The following PPIG variants were observed in gnomAD, a reference collection of about 807,000 sequenced individuals.
PPIG encodes the protein peptidyl-prolyl cis-trans isomerase G.
PPIG carries 26 observed loss-of-function variants against 87.9 expected under a neutral mutation model. That is an observed-to-expected ratio of 0.30 (90% CI 0.22 to 0.41). PPIG has a LOEUF of 0.41. Among genes scored for constraint, PPIG ranks in the 10% least tolerant of loss-of-function variants. The pLI, the probability that PPIG is intolerant of heterozygous loss-of-function variation, is 1.00. For missense variants in PPIG, 722 were observed against 879.4 expected (o/e 0.82, Z 2.26); for synonymous variants, 308 against 276.5 (o/e 1.11, Z -1.13).
intron 1 of PPIG, among the ~76,000 whole-genome samples, chr2:169,600,642 A>G (rs939028111): frequency 1.3e-5 from 2 of 152,168 alleles, no homozygotes; most frequent in Non-Finnish European, 2.9e-5. Context: ...ACAGTGAGAC[A>G]CTTTAAAAAT....
At chr2:169,620,160 A>C (rs1224407977) in intron 9 of PPIG, among the ~76,000 whole-genome samples, 1 of 151,900 alleles carries the variant, frequency 6.6e-6, no homozygotes, top group Non-Finnish European at 1.5e-5. Flanking sequence ...CATTGCCCAA[A>C]CCAATGTCAT....
chr2:169,636,194 G>T lies in PPIG; in HGVS notation c.1120G>T (p.Val374Leu), dbSNP rs1444710338. Residue 374 changes from valine (V) to leucine (L), a missense_variant, in exon 13 of 14, where the codon GTA becomes TTA. Around this residue, in one of 4 missense-constraint regions of PPIG, gnomAD observed 476 missense variants for 483.1 expected, o/e 0.99. Transcript: ENST00000260970. ...GATGCAGAGAGCTCAAAGAATGAGG[G>T]TATCAAGTGGTGAAAGATGGATCAA... The part of the protein sequence containing the change: ...QEMQRAQRMR[V>L]SSGERWIKGD... The T allele has an allele frequency of 8.7e-6, 14 of 1,610,014 alleles. No homozygotes were observed. Among genetic ancestry groups the T allele is most frequent in the Non-Finnish European group, 1.2e-5 (14 of 1,178,940 alleles).
At chr2:169,628,737 C>T (rs1240592547) in intron 9 of PPIG, among the ~76,000 whole-genome samples, 1 of 151,724 alleles carries the variant, frequency 6.6e-6, no homozygotes, top group Non-Finnish European at 1.5e-5. Context: ...CCCAGGAGTT[C>T]GAGACTAGCC....
intron 5 of PPIG, 130 bp downstream of exon 5, chr2:169,606,276 G>T: frequency 1.4e-6 from 1 of 738,650 alleles, no homozygotes; most frequent in Non-Finnish European, 2.3e-6. Context: ...TCAATTAGAA[G>T]TACTCATAGA....
chr2:169,627,186 C>T (rs1025764035), intron 9 of PPIG, among the ~76,000 whole-genome samples: 5 of 152,154 alleles, frequency 3.3e-5, no homozygotes, highest in Middle Eastern at 3.2e-3. Flanking sequence ...GCAATCTCCA[C>T]CTTTGGGGTT....
At chr2:169,600,654 T>C (rs1457962850) in intron 1 of PPIG, among the ~76,000 whole-genome samples, 1 of 151,792 alleles carries the variant, frequency 6.6e-6, no homozygotes, top group Non-Finnish European at 1.5e-5. Flanking sequence ...TTTAAAAATG[T>C]CATTGAAAAA....
At position 169,630,929 on chromosome 2, in the gene PPIG, C is replaced by T. The variant is rs781088014; in HGVS notation, c.703C>T (p.Arg235Trp). 1.1e-5 allele frequency: 17 copies of T among 1,599,566 alleles called. No homozygotes were observed. The highest frequency in any genetic ancestry group is 1.4e-5 in the African/African-American group (1 of 73,670). The change falls in exon 10 of 14, where the codon CGG becomes TGG. Residue 235 changes from arginine (R) to tryptophan (W), a missense_variant. Physicochemically the swap from Arg to Trp is moderately radical, Grantham distance 101. This residue lies in a region of PPIG where 142 missense variants were observed against 152.8 expected (regional missense o/e 0.93). Coordinates refer to ENST00000260970, the MANE Select transcript of PPIG (RefSeq NM_004792.3). ...EKSKKRKKKH[R>W]KNSRKHKKEK... ...ATCAAAGAAAAGAAAAAAGAAACAT[C>T]GGAAAAATTCCCGAAAACACAAGAA...
In PPIG at chr2:169,585,928, T is replaced by G. The variant is rs1684690732; in HGVS notation, c.-70+1438T>G. 1.3e-5 allele frequency among the ~76,000 whole-genome samples: 2 copies of G among 152,068 alleles called. 1 individual carries two copies. The highest frequency in any genetic ancestry group is 3.9e-4 in the East Asian group (2 of 5,182). On this transcript the variant is annotated intron_variant, in intron 1 of 13. Transcript: ENST00000260970. ...ACAGGATGGCCGGTAATTGCTACTT[T>G]GTAACAATGACGGGTGGGGGGGTGA...
chr2:169,608,741 T>C lies in PPIG; in HGVS notation c.360T>C (p.Asn120=), dbSNP rs1685404263. 1.2e-6 allele frequency: 2 copies of C among 1,601,316 alleles called. No homozygotes were observed. Among genetic ancestry groups the C allele is most frequent in the African/African-American group, 1.3e-5 (1 of 74,556 alleles). Residue 120 remains asparagine (N), a synonymous_variant, in exon 7 of 14, where the codon AAT becomes AAC. Transcript: ENST00000260970. ...LSMANRGKDT[N]GSQFFITTKP... ...TGGCCAACAGAGGGAAGGATACAAA[T>C]GGTTCACAGTTCTTCATGTAAGTAT...
At chr2:169,621,434 A>C (rs1685748109) in intron 9 of PPIG, among the ~76,000 whole-genome samples, 1 of 152,176 alleles carries the variant, frequency 6.6e-6, no homozygotes, top group Non-Finnish European at 1.5e-5. Flanking sequence ...CTTGATGTAC[A>C]TGAGACTGGC....
chr2:169,597,498 TTTTC>T (rs1485611257), intron 1 of PPIG, among the ~76,000 whole-genome samples: 29 of 114,688 alleles, frequency 2.5e-4, no homozygotes, highest in African/African-American at 8.7e-4. Flanking sequence ...TTTCCTTTTC[TTTTC>T]TTTTTTTTTT....
intron 12 of PPIG, among the ~76,000 whole-genome samples, chr2:169,634,208 G>A (rs1375785089): frequency 1.3e-5 from 2 of 151,986 alleles, no homozygotes; most frequent in Non-Finnish European, 2.9e-5. Context: ...CTACAGGTGT[G>A]CATCACCACA....
intron 1 of PPIG, among the ~76,000 whole-genome samples, chr2:169,589,999 C>G (rs552482787): frequency 6.6e-6 from 1 of 151,916 alleles, no homozygotes; most frequent in Non-Finnish European, 1.5e-5. Flanking sequence ...ATCCCAGCTA[C>G]TCGGGAGGCT....
intron 9 of PPIG, among the ~76,000 whole-genome samples, chr2:169,623,659 G>T (rs886501077): frequency 7.2e-5 from 11 of 152,314 alleles, no homozygotes; most frequent in African/African-American, 2.6e-4. Context: ...TATGGTGACA[G>T]GGTCCCATTT....
intron 9 of PPIG, among the ~76,000 whole-genome samples, chr2:169,628,048 G>A (rs973183335): frequency 7.2e-5 from 11 of 152,040 alleles, no homozygotes; most frequent in African/African-American, 2.7e-4. Context: ...CAGGTTATAT[G>A]TTTTTTCATA....
chr2:169,586,311 T>C (rs1007667227), intron 1 of PPIG, among the ~76,000 whole-genome samples: 1 of 152,192 alleles, frequency 6.6e-6, no homozygotes, highest in African/African-American at 2.4e-5. Flanking sequence ...AGTGTATAAG[T>C]ATGTAAACTT....
rs1559175374 is a variant in PPIG at position 169,595,681 on chromosome 2, C to T, written c.-69-7961C>T. On this transcript the variant is annotated intron_variant, in intron 1 of 13. Coordinates refer to ENST00000260970, the MANE Select transcript of PPIG (RefSeq NM_004792.3). ...GTGAAGTTTGTCCTTCTGTGCCTGG[C>T]TTATTTTACTTACTATAATGACCTT... Among the ~76,000 whole-genome samples, 3 of 152,268 alleles carry T rather than the reference C, an allele frequency of 2.0e-5. No homozygotes were observed. In the South Asian group the frequency reaches 6.2e-4, roughly 32 times the overall value.
intron 9 of PPIG, among the ~76,000 whole-genome samples, chr2:169,627,145 C>G (rs997674843): frequency 6.6e-6 from 1 of 152,222 alleles, no homozygotes; most frequent in Non-Finnish European, 1.5e-5. Context: ...GTCTCCCAGG[C>G]TGGATTGCAG....
chr2:169,624,657 G>T (rs969845572), intron 9 of PPIG, among the ~76,000 whole-genome samples: 1 of 152,036 alleles, frequency 6.6e-6, no homozygotes, highest in Non-Finnish European at 1.5e-5. Context: ...GTGCGTTCTC[G>T]GCTCACTGCA....
Sources: gnomAD v4.1 joint callset for allele counts (sites outside exome capture counted in the v4.1 genomes callset) on GRCh38, gnomAD v4.1.1 for gene constraint, gnomAD v4.1.1 regional missense constraint, MANE v1.5 for transcripts, NCBI Gene and HGNC (gene_info 2026-07-23, HGNC 2026-07-21) for gene names.